IL12A: variants seen among roughly 807,000 people sequenced by gnomAD.
IL12A encodes the protein interleukin 12A.
Under a neutral mutation model 23.5 loss-of-function variants are expected in IL12A, and 16 were observed. The observed-to-expected ratio is 0.68, with a 90% CI of 0.46 to 1.03. The LOEUF (loss-of-function observed/expected upper bound fraction) is 1.03. Among genes scored for constraint, IL12A ranks in the 50% least tolerant of loss-of-function variants. The probability of loss-of-function intolerance (pLI) is 0.00; values close to 1 mark genes in which losing one functional copy is unlikely to be tolerated. For missense variants in IL12A, 275 were observed against 307.0 expected, an observed-to-expected ratio of 0.90 and a Z score of 0.78; for synonymous variants, 106 against 111.5, an observed-to-expected ratio of 0.95 and a Z score of 0.31.
At chr3:159,992,783 T>C (rs1374745520) in intron 2 of IL12A, among the ~76,000 whole-genome samples, 1 of 152,214 alleles carries the variant, frequency 6.6e-6, no homozygotes, top group Non-Finnish European at 1.5e-5. Context: ...TGAAAAAATA[T>C]GTAATCCAGA....
chr3:159,993,422 T>A, intron 3 of IL12A, 29 bp from the exon 4 acceptor site: 1 of 1,558,754 alleles, frequency 6.4e-7, no homozygotes, highest in Non-Finnish European at 8.8e-7. Flanking sequence ...TAAGAATTAA[T>A]ACTTTGATAT....
chr3:159,990,778 AAC>A (rs1321500299), intron 2 of IL12A, among the ~76,000 whole-genome samples: 1 of 152,200 alleles, frequency 6.6e-6, no homozygotes, highest in East Asian at 1.9e-4. Context: ...TTCTTGGAGC[AAC>A]ACATCTCAGG....
chr3:159,990,071 CA>C, intron 1 of IL12A, 95 bp from the exon 2 acceptor site: 1 of 1,283,046 alleles, frequency 7.8e-7, no homozygotes, highest in South Asian at 1.3e-5. Context: ...GGGTGCCAAG[CA>C]TGAATGGATG....
At chr3:159,989,260 C>A in intron 1 of IL12A, 86 bp downstream of exon 1, 1 of 1,031,034 alleles carries the variant, frequency 9.7e-7, no homozygotes, top group African/African-American at 1.6e-5. Flanking sequence ...CTCAAGTCTG[C>A]CTAAGGAGAG....
chr3:159,993,962 A>G, intron 6 of IL12A, 118 bp downstream of exon 6: 1 of 979,568 alleles, frequency 1.0e-6, no homozygotes, highest in South Asian at 1.6e-5. Context: ...TGACAGACCT[A>G]CATTTTCAAG....
rs761723341 is a variant in IL12A, at chr3:159,995,448, T to C, written c.651T>C (p.Leu217=). Residue 217 remains leucine (L), a synonymous_variant, in exon 7 of 7, where the codon CTT becomes CTC. Transcript: ENST00000305579. ...AGACTGTGCCACAAAAATCCTCCCT[T>C]GAAGAACCGGATTTTTATAAAACTA... is the stretch of plus-strand genomic sequence containing the variant. 5.6e-6 allele frequency: 9 copies of C among 1,608,638 alleles called. No homozygotes were observed. The highest frequency in any genetic ancestry group is 6.8e-6 in the Non-Finnish European group (8 of 1,178,016).
At position 159,993,723 on chromosome 3, in the gene IL12A, A is replaced by G. The variant is rs753767038; in HGVS notation, c.485A>G (p.Tyr162Cys). The G allele has an allele frequency of 6.2e-7, 1 of 1,614,166 alleles. No homozygotes were observed. Among genetic ancestry groups the G allele is most frequent in the South Asian group, 1.1e-5 (1 of 91,086 alleles). Residue 162 changes from tyrosine (Y) to cysteine (C), a missense_variant, in exon 6 of 7, where the codon TAT becomes TGT. Transcript: ENST00000305579. ...CAGGCCCTGTGCCTTAGTAGTATTT[A>G]TGAAGACTTGAAGATGTACCAGGTG...
intron 6 of IL12A, 64 bp from the exon 7 acceptor site, chr3:159,995,340 T>C (rs940998382): frequency 2.3e-5 from 31 of 1,349,684 alleles, no homozygotes; most frequent in Non-Finnish European, 3.0e-5. Flanking sequence ...TTCACTCATT[T>C]TTATGAATGA....
At chr3:159,993,191 T>C in intron 3 of IL12A, 66 bp downstream of exon 3, 6 of 906,946 alleles carry the variant, frequency 6.6e-6, no homozygotes, top group Non-Finnish European at 1.1e-5. Flanking sequence ...TCTCACCTGC[T>C]TCTAAAAATT....
chr3:159,989,065 C>T lies in IL12A; in HGVS notation c.9C>T (p.Pro3=), dbSNP rs538098159. The change falls in exon 1 of 7, where the codon CCC becomes CCT. Residue 3 remains proline (P), a synonymous_variant. Coordinates refer to ENST00000305579, the MANE Select transcript of IL12A (RefSeq NM_000882.4). ...TCGGGACAATTATAAAAATGTGGCCCCCTGGGTCAGCCTCCCAGCCACCGC... is the reference window on the plus strand; with the variant it reads ...TCGGGACAATTATAAAAATGTGGCCTCCTGGGTCAGCCTCCCAGCCACCGC... The T allele has an allele frequency of 8.6e-5, 138 of 1,613,366 alleles. 1 individual carries two copies. The South Asian group carries it at 1.4e-3, about 16-fold the overall frequency.
intron 6 of IL12A, 114 bp downstream of exon 6, chr3:159,993,958 A>G: frequency 9.9e-7 from 1 of 1,012,796 alleles, no homozygotes. Flanking sequence ...GGCCTGACAG[A>G]CCTACATTTT....
intron 2 of IL12A, 47 bp from the exon 3 acceptor site, chr3:159,992,965 G>C (rs1196488559): frequency 2.6e-6 from 3 of 1,149,108 alleles, no homozygotes; most frequent in Non-Finnish European, 3.9e-6. Flanking sequence ...GGGGTGCCAG[G>C]TGCATTATCA....
rs1046575008 is a variant in IL12A at position 159,990,022 on chromosome 3, G to C, written c.119-145G>C. ...TGTAATAACTCGAGTCATCTCTCAG[G>C]TGTTGAAGGAAAAGTGTTGGAAATG... On this transcript the variant is annotated intron_variant, in intron 1 of 6. Coordinates refer to ENST00000305579, the MANE Select transcript of IL12A (RefSeq NM_000882.4). The C allele has an allele frequency of 5.5e-6, 4 of 726,532 alleles. No homozygotes were observed. The Admixed American group carries it at 1.0e-4, about 19-fold the overall frequency. 45.0% of individuals were successfully genotyped at this position (726,532 alleles called of 1,614,324 possible). A position where few individuals can be genotyped will look rare whatever the true frequency, so the allele number is the denominator to read the frequency against.
intron 2 of IL12A, among the ~76,000 whole-genome samples, chr3:159,990,702 G>T (rs1720275719): frequency 6.6e-6 from 1 of 152,098 alleles, no homozygotes; most frequent in South Asian, 2.1e-4. Flanking sequence ...GGGGGGCAGG[G>T]GTACAAAGAT....
At chr3:159,993,282 A>T in intron 3 of IL12A, 157 bp downstream of exon 3, 2 of 741,720 alleles carry the variant, frequency 2.7e-6, no homozygotes, top group Non-Finnish European at 4.4e-6. Context: ...TTATTTTTAA[A>T]AAATGGTTTT....
In IL12A at chr3:159,990,186, C is replaced by G; in HGVS notation, c.138C>G (p.Thr46=). ...TTCCAGGCCTCCTCCTTGTGGCTAC[C>G]CTGGTCCTCCTGGACCACCTCAGTT... The change falls in exon 2 of 7, where the codon ACC becomes ACG. Residue 46 remains threonine (T), a synonymous_variant. Coordinates refer to ENST00000305579, the MANE Select transcript of IL12A (RefSeq NM_000882.4). The G allele has an allele frequency of 1.9e-6, 3 of 1,613,856 alleles. No individual in the cohort carries two copies. The highest frequency in any genetic ancestry group is 2.5e-6 in the Non-Finnish European group (3 of 1,179,970).
At chr3:159,992,493 G>C (rs140817994) in intron 2 of IL12A, among the ~76,000 whole-genome samples, 1 of 152,092 alleles carries the variant, frequency 6.6e-6, no homozygotes, top group Non-Finnish European at 1.5e-5. Context: ...TTTACCCAAC[G>C]GTGCTTTCCA....
intron 2 of IL12A, among the ~76,000 whole-genome samples, chr3:159,991,017 C>T (rs1422305371): frequency 6.6e-6 from 1 of 152,120 alleles, no homozygotes; most frequent in Non-Finnish European, 1.5e-5. Flanking sequence ...AGCTTGTTGC[C>T]TTAGGAATAT....
In IL12A at chr3:159,989,169, C is replaced by T. The variant is rs1324840625; in HGVS notation, c.113C>T (p.Ala38Val). ...CAGTGCCGGCTCAGCATGTGTCCAG[C>T]GCGCAGTGAGTACTCAGCCCGCCAG... The change falls in exon 1 of 7, where the codon GCG (alanine) becomes GTG (valine). Residue 38 changes from alanine to valine, a missense_variant. Physicochemically the swap from Ala to Val is moderately conservative, Grantham distance 64. Coordinates refer to ENST00000305579, the MANE Select transcript of IL12A (RefSeq NM_000882.4). 6.2e-7 allele frequency: 1 copy of T among 1,611,224 alleles called. No homozygotes were observed. Among genetic ancestry groups the T allele is most frequent in the East Asian group, 2.2e-5 (1 of 44,820 alleles).
Sources: gnomAD v4.1 joint callset for allele counts (sites outside exome capture counted in the v4.1 genomes callset) on GRCh38, gnomAD v4.1.1 for gene constraint, MANE v1.5 for transcripts, NCBI Gene and HGNC (gene_info 2026-07-23, HGNC 2026-07-21) for gene names.